Variants in KCNQ3 observed in about 807,000 individuals in gnomAD.
KCNQ3 encodes potassium voltage-gated channel subfamily KQT member 3.
In KCNQ3, 30 loss-of-function variants were observed where a neutral mutation model predicts 92.5. The ratio of observed to expected loss-of-function variants is 0.32; its 90% CI spans 0.24 to 0.44. The LOEUF is 0.44. KCNQ3 is among the 20% of genes least tolerant of loss of function. The pLI, the probability that KCNQ3 is intolerant of heterozygous loss-of-function variation, is 1.00. For synonymous variants in KCNQ3, 450 were observed against 468.8 expected, an observed-to-expected ratio of 0.96 and a Z score of 0.52; for missense variants, 913 against 1,140.3, an observed-to-expected ratio of 0.80 and a Z score of 2.87.
intron 12 of KCNQ3, among the ~76,000 whole-genome samples, chr8:132,134,617 A>G (rs1248614573): frequency 6.6e-6 from 1 of 151,900 alleles, no homozygotes; most frequent in Non-Finnish European, 1.5e-5. Flanking sequence ...AGAGAAAGAC[A>G]GAGCCAGAGA....
intron 1 of KCNQ3, among the ~76,000 whole-genome samples, chr8:132,459,546 A>G (rs1822015681): frequency 6.6e-6 from 1 of 152,136 alleles, no homozygotes; most frequent in Non-Finnish European, 1.5e-5. Context: ...ATGCCCCAGC[A>G]CACAGGGAGG....
intron 1 of KCNQ3, among the ~76,000 whole-genome samples, chr8:132,272,116 C>T (rs558156605): frequency 3.3e-5 from 5 of 152,222 alleles, no homozygotes; most frequent in African/African-American, 1.2e-4. Context: ...CTACTTTGGA[C>T]ATGATGCTTA....
chr8:132,309,797 T>C (rs533279672), intron 1 of KCNQ3, among the ~76,000 whole-genome samples: 94 of 152,328 alleles, frequency 6.2e-4, no homozygotes, highest in Non-Finnish European at 1.1e-3. Flanking sequence ...CTGTGAGAGT[T>C]TGAATCCCAG....
chr8:132,460,324 A>G (rs1822033633), intron 1 of KCNQ3, among the ~76,000 whole-genome samples: 1 of 152,136 alleles, frequency 6.6e-6, no homozygotes. Flanking sequence ...AAATATTTCT[A>G]TTCATAACCA....
chr8:132,240,208 C>T (rs373298511), intron 1 of KCNQ3, among the ~76,000 whole-genome samples: 1,642 of 107,238 alleles, frequency 0.015, 32 homozygotes, highest in African/African-American at 0.048. Flanking sequence ...TTTTTTGAGA[C>T]GGAGTTTTGC....
At chr8:132,228,810 A>G (rs1189383093) in intron 1 of KCNQ3, among the ~76,000 whole-genome samples, 1 of 151,840 alleles carries the variant, frequency 6.6e-6, no homozygotes, top group Non-Finnish European at 1.5e-5. Flanking sequence ...GAGTTCTATG[A>G]GATAGAGCCA....
At chr8:132,227,172 C>A (rs886404852) in intron 1 of KCNQ3, among the ~76,000 whole-genome samples, 1 of 151,260 alleles carries the variant, frequency 6.6e-6, no homozygotes, top group Non-Finnish European at 1.5e-5. Flanking sequence ...AACTGATTCT[C>A]CTGGCTCAGC....
chr8:132,368,242 G>C (rs1819377048), intron 1 of KCNQ3, among the ~76,000 whole-genome samples: 1 of 152,210 alleles, frequency 6.6e-6, no homozygotes, highest in Admixed American at 6.5e-5. Flanking sequence ...GGCGTTAAGT[G>C]AGGACTTGCT....
At chr8:132,230,433 CAGAGAGAGAGAGAGACAGAG>C (rs1192841488) in intron 1 of KCNQ3, among the ~76,000 whole-genome samples, 11 of 131,070 alleles carry the variant, frequency 8.4e-5, no homozygotes, top group Admixed American at 1.6e-4. Context: ...CCACCACAGG[CAGAGAGAGAGAGAGACAGAG>C]AGAGAGAGAG....
intron 12 of KCNQ3, among the ~76,000 whole-genome samples, chr8:132,136,733 C>CAT (rs1378618166): frequency 1.3e-5 from 2 of 152,064 alleles, no homozygotes; most frequent in African/African-American, 4.8e-5. Context: ...TATACATATG[C>CAT]ATATATATGT....
chr8:132,297,045 G>A (rs1411288099), intron 1 of KCNQ3, among the ~76,000 whole-genome samples: 1 of 151,432 alleles, frequency 6.6e-6, no homozygotes, highest in African/African-American at 2.5e-5. Context: ...ATCCTCTCCA[G>A]CATCTGTTGT....
At chr8:132,318,021 C>T (rs1427888360) in intron 1 of KCNQ3, among the ~76,000 whole-genome samples, 1 of 152,220 alleles carries the variant, frequency 6.6e-6, no homozygotes, top group Non-Finnish European at 1.5e-5. Context: ...AGCATCCACC[C>T]AGGCATCTGA....
chr8:132,393,827 A>G (rs1405843528), intron 1 of KCNQ3, among the ~76,000 whole-genome samples: 1 of 152,194 alleles, frequency 6.6e-6, no homozygotes, highest in African/African-American at 2.4e-5. Flanking sequence ...GCCCCTGCTC[A>G]TTCCACTACA....
chr8:132,273,072 G>A (rs1199417566), intron 1 of KCNQ3, among the ~76,000 whole-genome samples: 6 of 152,194 alleles, frequency 3.9e-5, no homozygotes, highest in South Asian at 2.1e-4. Flanking sequence ...GGAGGATGGC[G>A]GCCTTCTTCT....
At chr8:132,454,568 G>T (rs1190252885) in intron 1 of KCNQ3, among the ~76,000 whole-genome samples, 5 of 152,100 alleles carry the variant, frequency 3.3e-5, no homozygotes, top group African/African-American at 1.2e-4. Flanking sequence ...AGACCCAGAG[G>T]AATGAAAGAA....
chr8:132,181,068 G>A (rs1352238945), intron 3 of KCNQ3, among the ~76,000 whole-genome samples: 1 of 152,136 alleles, frequency 6.6e-6, no homozygotes, highest in Non-Finnish European at 1.5e-5. Context: ...GGTAGATTTT[G>A]GAAAGATGTA....
At chr8:132,358,448 A>G (rs1819074786) in intron 1 of KCNQ3, among the ~76,000 whole-genome samples, 1 of 152,228 alleles carries the variant, frequency 6.6e-6, no homozygotes, top group African/African-American at 2.4e-5. Flanking sequence ...ATCTAGAGGA[A>G]GAAGTCAACC....
chr8:132,477,191 G>A (rs1822433353), intron 1 of KCNQ3, among the ~76,000 whole-genome samples: 4 of 152,044 alleles, frequency 2.6e-5, no homozygotes, highest in Admixed American at 2.6e-4. Context: ...ATATTACCCA[G>A]TCTCAGGTAT....
intron 1 of KCNQ3, among the ~76,000 whole-genome samples, chr8:132,459,504 T>C (rs1026461494): frequency 7.2e-5 from 11 of 152,100 alleles, no homozygotes; most frequent in African/African-American, 2.4e-4. Flanking sequence ...CAACCAGCTC[T>C]CACGGGAACT....
Sources: allele counts gnomAD v4.1 joint callset (sites outside exome capture counted in the v4.1 genomes callset), GRCh38; gene constraint gnomAD v4.1.1; transcripts MANE v1.5; gene names NCBI Gene and HGNC (gene_info 2026-07-23, HGNC 2026-07-21).